Variants in GRIA1 observed in about 807,000 individuals in gnomAD.
GRIA1 encodes glutamate ionotropic receptor AMPA type subunit 1.
GRIA1 carries 31 observed loss-of-function variants against 99.2 expected under a neutral mutation model. That is an observed-to-expected ratio of 0.31 (90% CI 0.23 to 0.42). The LOEUF is 0.42. GRIA1 is among the 10% of genes least tolerant of loss of function. The probability of loss-of-function intolerance (pLI) is 1.00; values close to 1 mark genes in which losing one functional copy is unlikely to be tolerated. For missense variants in GRIA1, 782 were observed against 1,157.5 expected (o/e 0.68, Z 4.71); for synonymous variants, 438 against 432.4 (o/e 1.01, Z -0.16).
intron 2 of GRIA1, among the ~76,000 whole-genome samples, chr5:153,531,977 G>A (rs1429450666): frequency 6.6e-6 from 1 of 152,128 alleles, no homozygotes; most frequent in African/African-American, 2.4e-5. Context: ...GTCCATACTT[G>A]AAAACCCTCT....
chr5:153,624,995 A>G (rs1202377101), intron 2 of GRIA1, among the ~76,000 whole-genome samples: 3 of 152,202 alleles, frequency 2.0e-5, no homozygotes, highest in Non-Finnish European at 4.4e-5. Context: ...TGATCCATTC[A>G]CGGCAGCAGA....
chr5:153,491,416 C>G, intron 1 of GRIA1: 1 of 559,504 alleles, frequency 1.8e-6, no homozygotes, highest in Non-Finnish European at 2.3e-6. Flanking sequence ...GGAGGCAGTG[C>G]TTTCTCTGCT....
At chr5:153,582,426 G>T (rs10463336) in intron 2 of GRIA1, among the ~76,000 whole-genome samples, 1,893 of 152,226 alleles carry the variant, frequency 0.012, 31 homozygotes, top group African/African-American at 0.039. Context: ...ATAGATATTT[G>T]ATCCATTGGT....
At chr5:153,637,443 G>A (rs1333470272) in intron 2 of GRIA1, among the ~76,000 whole-genome samples, 1 of 152,168 alleles carries the variant, frequency 6.6e-6, no homozygotes, top group Non-Finnish European at 1.5e-5. Flanking sequence ...GAAGTGATAG[G>A]TCAAGGAGAA....
Position 153,490,775 on chromosome 5 carries a change from G to T in GRIA1, c.-114G>T, listed in dbSNP as rs1753839103. ...GGAAGGAAGCAAGCAAGCAAGGAAGGAACTGCAGGAGGAAAAGAACAGGCA... is the reference window on the plus strand; with the variant it reads ...GGAAGGAAGCAAGCAAGCAAGGAAGTAACTGCAGGAGGAAAAGAACAGGCA... On this transcript the variant is annotated 5_prime_UTR_variant, in exon 1 of 16. Transcript: ENST00000285900. The T allele has an allele frequency of 2.5e-6, 2 of 814,966 alleles. No individual in the cohort carries two copies. Among genetic ancestry groups the T allele is most frequent in the South Asian group, 2.8e-5 (2 of 70,790 alleles). The allele number at this position is 814,966 out of a possible 1,614,324, so 50.5% of individuals were successfully genotyped here. A position where few individuals can be genotyped will look rare whatever the true frequency, so the allele number is the denominator to read the frequency against.
chr5:153,493,872 A>C, intron 1 of GRIA1, 56 bp from the exon 2 acceptor site: 2 of 1,588,922 alleles, frequency 1.3e-6, no homozygotes, highest in South Asian at 2.2e-5. Flanking sequence ...GTGAGTCGTG[A>C]GGAACTAAAA....
chr5:153,602,865 C>A (rs1581309034), intron 2 of GRIA1, among the ~76,000 whole-genome samples: 1 of 152,168 alleles, frequency 6.6e-6, no homozygotes, highest in African/African-American at 2.4e-5. Context: ...ATCTAATAGT[C>A]ACAACCCTTA....
chr5:153,557,160 G>A (rs1760720864), intron 2 of GRIA1, among the ~76,000 whole-genome samples: 1 of 152,184 alleles, frequency 6.6e-6, no homozygotes, highest in African/African-American at 2.4e-5. Context: ...GTCAGTGAGT[G>A]AATGATGAAT....
At chr5:153,751,379 A>C (rs1210279655) in intron 11 of GRIA1, among the ~76,000 whole-genome samples, 1 of 152,262 alleles carries the variant, frequency 6.6e-6, no homozygotes, top group African/African-American at 2.4e-5. Flanking sequence ...ATATTAGCTT[A>C]GATCAAAGGT....
intron 11 of GRIA1, among the ~76,000 whole-genome samples, chr5:153,761,776 T>C (rs1430650199): frequency 6.6e-6 from 1 of 152,164 alleles, no homozygotes; most frequent in Non-Finnish European, 1.5e-5. Flanking sequence ...TACGTGCCCA[T>C]CAACAGATGA....
rs201762009 is a variant in GRIA1 at position 153,734,318 on chromosome 5, C to CCTGA, written c.1823+28253_1823+28254insGACT. 8.5e-3 allele frequency among the ~76,000 whole-genome samples: 1,295 copies of CCTGA among 152,246 alleles called. 7 individuals are homozygous for CCTGA. Among genetic ancestry groups the CCTGA allele is most frequent in the South Asian group, 0.014 (66 of 4,818 alleles). On this transcript the variant is annotated intron_variant, in intron 11 of 15. Transcript: ENST00000285900. ...ATTAGGGGTTGCTCTTAAGGACCCC[C>CCTGA]CTAAGAGCAGAGATTGCCCTTGATA...
chr5:153,642,224 A>G (rs1753819381), intron 2 of GRIA1, among the ~76,000 whole-genome samples: 1 of 152,224 alleles, frequency 6.6e-6, no homozygotes, highest in Non-Finnish European at 1.5e-5. Context: ...TCAAACATCC[A>G]TGACATATCA....
intron 2 of GRIA1, among the ~76,000 whole-genome samples, chr5:153,642,230 T>C (rs1753820092): frequency 2.0e-5 from 3 of 152,188 alleles, no homozygotes. Context: ...ATCCATGACA[T>C]ATCACAGACA....
At position 153,804,418 on chromosome 5, in the gene GRIA1, C is replaced by T. The variant is rs552041869; in HGVS notation, c.2520+1928C>T. On this transcript the variant is annotated intron_variant, in intron 15 of 15. Coordinates refer to ENST00000285900, the MANE Select transcript of GRIA1 (RefSeq NM_000827.4). ...CTAAAGACTCTCCTACCTTACCCTC[C>T]AAAATGAGGAAAGGTTACTCCGGTG... 4.6e-5 allele frequency among the ~76,000 whole-genome samples: 7 copies of T among 152,266 alleles called. No homozygotes were observed. The South Asian group carries it at 1.4e-3, about 32-fold the overall frequency.
At chr5:153,760,299 G>T (rs1252749631) in intron 11 of GRIA1, among the ~76,000 whole-genome samples, 3 of 151,710 alleles carry the variant, frequency 2.0e-5, no homozygotes, top group Non-Finnish European at 4.4e-5. Flanking sequence ...GAAAACCCTA[G>T]AAACCCTCCA....
intron 2 of GRIA1, among the ~76,000 whole-genome samples, chr5:153,519,710 G>A (rs761240564): frequency 1.3e-5 from 2 of 152,118 alleles, no homozygotes; most frequent in Admixed American, 1.3e-4. Flanking sequence ...AGGAAAGACA[G>A]TCCTAGACAA....
At chr5:153,777,166 T>C (rs1019743113) in intron 13 of GRIA1, among the ~76,000 whole-genome samples, 30 of 152,160 alleles carry the variant, frequency 2.0e-4, no homozygotes, top group Admixed American at 1.4e-3. Flanking sequence ...AATGTGCAAT[T>C]TGAACAAGTC....
chr5:153,593,577 C>T (rs1764170160), intron 2 of GRIA1, among the ~76,000 whole-genome samples: 1 of 151,004 alleles, frequency 6.6e-6, no homozygotes, highest in Admixed American at 6.6e-5. Flanking sequence ...TGTTTGTTTG[C>T]TTGCTTGCTT....
At chr5:153,506,211 G>A (rs941742662) in intron 2 of GRIA1, among the ~76,000 whole-genome samples, 1 of 152,148 alleles carries the variant, frequency 6.6e-6, no homozygotes, top group Non-Finnish European at 1.5e-5. Context: ...CAGAGAGGGG[G>A]AGGTATGCTA....
Sources: gnomAD v4.1 joint callset for allele counts (sites outside exome capture counted in the v4.1 genomes callset) on GRCh38, gnomAD v4.1.1 for gene constraint, MANE v1.5 for transcripts, NCBI Gene and HGNC (gene_info 2026-07-23, HGNC 2026-07-21) for gene names.